Variants in CSMD1 observed in about 807,000 individuals in gnomAD.
CSMD1 encodes CUB and sushi domain-containing protein 1.
A neutral mutation model predicts 417.5 loss-of-function variants in CSMD1; 213 were observed. That is an observed-to-expected ratio of 0.51 (90% CI 0.46 to 0.57). CSMD1 has a LOEUF of 0.57. CSMD1 is among the 20% of genes least tolerant of loss of function. CSMD1 has a pLI of 0.00. For missense variants in CSMD1, 6,923 were observed against 4,529.7 expected, an observed-to-expected ratio of 1.53 and a Z score of -15.17; for synonymous variants, 2,862 against 1,736.8, an observed-to-expected ratio of 1.65 and a Z score of -16.11.
At chr8:4,673,389 C>T (rs944511209) in intron 1 of CSMD1, among the ~76,000 whole-genome samples, 1 of 152,172 alleles carries the variant, frequency 6.6e-6, no homozygotes, top group African/African-American at 2.4e-5. Context: ...AGGTGACCTG[C>T]TGCCATCTGT....
intron 1 of CSMD1, among the ~76,000 whole-genome samples, chr8:4,782,238 T>G (rs1797188122): frequency 6.6e-6 from 1 of 152,152 alleles, no homozygotes; most frequent in African/African-American, 2.4e-5. Flanking sequence ...TCAAAATAGC[T>G]AGAAAAGAGG....
intron 7 of CSMD1, among the ~76,000 whole-genome samples, chr8:3,619,738 T>C (rs771583739): frequency 3.2e-4 from 48 of 151,752 alleles, no homozygotes; most frequent in East Asian, 5.8e-4. Context: ...GGATCCATAA[T>C]AAGACTATCA....
chr8:4,493,964 T>A (rs17070414), intron 2 of CSMD1, among the ~76,000 whole-genome samples: 1 of 152,176 alleles, frequency 6.6e-6, no homozygotes, highest in African/African-American at 2.4e-5. Flanking sequence ...AACTTGGTTC[T>A]ACTGATTAAC....
chr8:3,062,955 C>G (rs993324799), intron 49 of CSMD1, among the ~76,000 whole-genome samples: 2 of 151,882 alleles, frequency 1.3e-5, no homozygotes, highest in African/African-American at 4.8e-5. Flanking sequence ...AAGATTTATT[C>G]AATAAAAAGA....
At chr8:4,922,578 T>C (rs1416352790) in intron 1 of CSMD1, among the ~76,000 whole-genome samples, 1 of 152,176 alleles carries the variant, frequency 6.6e-6, no homozygotes, top group Non-Finnish European at 1.5e-5. Flanking sequence ...TTGTTTTCTA[T>C]AAAAGCTATT....
intron 16 of CSMD1, 65 bp downstream of exon 16, chr8:3,399,326 A>T (rs769138358): frequency 3.5e-6 from 5 of 1,430,314 alleles, no homozygotes; most frequent in Non-Finnish European, 4.7e-6. Context: ...TTTAAGATCC[A>T]TTTACTAAAA....
At chr8:4,754,184 G>A (rs967073096) in intron 1 of CSMD1, among the ~76,000 whole-genome samples, 3 of 152,084 alleles carry the variant, frequency 2.0e-5, no homozygotes, top group South Asian at 2.1e-4. Flanking sequence ...TGAAACCTGT[G>A]CACTCCACCA....
chr8:4,455,999 C>A (rs1254757306), intron 2 of CSMD1, among the ~76,000 whole-genome samples: 8 of 81,526 alleles, frequency 9.8e-5, no homozygotes, highest in African/African-American at 2.6e-4. Flanking sequence ...CAATAAATTG[C>A]TTATCTTCTC....
intron 2 of CSMD1, among the ~76,000 whole-genome samples, chr8:4,453,112 G>C (rs540462660): frequency 3.3e-5 from 5 of 151,954 alleles, no homozygotes; most frequent in African/African-American, 1.2e-4. Context: ...CCAATGATTC[G>C]GAATTCCTTG....
intron 23 of CSMD1, among the ~76,000 whole-genome samples, chr8:3,323,908 ATTG>A (rs1806321272): frequency 7.6e-6 from 1 of 131,634 alleles, no homozygotes; most frequent in African/African-American, 3.0e-5. Context: ...ACCTTTCATC[ATTG>A]TTAAAATAGA....
At chr8:3,969,826 T>C (rs1206495849) in intron 5 of CSMD1, among the ~76,000 whole-genome samples, 3 of 152,178 alleles carry the variant, frequency 2.0e-5, no homozygotes, top group Admixed American at 6.5e-5. Context: ...GGGAGATTTT[T>C]AAATGAAGTA....
chr8:4,732,538 A>C (rs1809971432), intron 1 of CSMD1, among the ~76,000 whole-genome samples: 2 of 152,226 alleles, frequency 1.3e-5, no homozygotes, highest in East Asian at 1.9e-4. Context: ...CTTGCAATGC[A>C]ATTGAATTTT....
At position 3,051,600 on chromosome 8, in the gene CSMD1, G is replaced by C. The variant is rs570059469; in HGVS notation, c.7660+862C>G. Among the ~76,000 whole-genome samples, 7 of 151,556 alleles carry C rather than the reference G, an allele frequency of 4.6e-5. No individual in the cohort carries two copies. In the South Asian group the frequency reaches 1.5e-3, roughly 31 times the overall value. ...CATGTATCCCTGAACCTAAAATAAA[G>C]TTTTTTTTTAAAGGAGATCATTCTA... On this transcript the variant is annotated intron_variant, in intron 50 of 69. Transcript: ENST00000635120.
At chr8:3,945,599 T>A (rs1811172794) in intron 5 of CSMD1, among the ~76,000 whole-genome samples, 1 of 152,128 alleles carries the variant, frequency 6.6e-6, no homozygotes, top group South Asian at 2.1e-4. Context: ...ATTAATATCA[T>A]CATTAGGCAA....
chr8:4,878,588 T>A (rs940318006), intron 1 of CSMD1, among the ~76,000 whole-genome samples: 2 of 151,908 alleles, frequency 1.3e-5, no homozygotes, highest in African/African-American at 4.8e-5. Context: ...AAAGAGAGCA[T>A]AATTTCTATC....
chr8:4,147,002 C>T (rs1308687457), intron 3 of CSMD1, among the ~76,000 whole-genome samples: 1 of 151,910 alleles, frequency 6.6e-6, no homozygotes, highest in East Asian at 1.9e-4. Flanking sequence ...CCTGTCCATC[C>T]ACTCAGAGGC....
intron 3 of CSMD1, among the ~76,000 whole-genome samples, chr8:4,353,063 T>G (rs1360276244): frequency 6.6e-6 from 1 of 152,174 alleles, no homozygotes; most frequent in Non-Finnish European, 1.5e-5. Flanking sequence ...AAGAGTAAAA[T>G]CAGATATTGT....
intron 5 of CSMD1, among the ~76,000 whole-genome samples, chr8:3,885,741 C>A (rs1313022024): frequency 6.6e-6 from 1 of 152,158 alleles, no homozygotes; most frequent in East Asian, 1.9e-4. Flanking sequence ...TCAGCCCCTT[C>A]TCCATCTCAC....
intron 1 of CSMD1, among the ~76,000 whole-genome samples, chr8:4,667,947 C>T (rs1805042841): frequency 6.6e-6 from 1 of 152,154 alleles, no homozygotes; most frequent in African/African-American, 2.4e-5. Context: ...GTCTTTGAAA[C>T]AATTCTTTTA....
Sources: gnomAD v4.1 joint callset for allele counts (sites outside exome capture counted in the v4.1 genomes callset) on GRCh38, gnomAD v4.1.1 for gene constraint, MANE v1.5 for transcripts, NCBI Gene and HGNC (gene_info 2026-07-23, HGNC 2026-07-21) for gene names.